Variants in KIAA1549 observed in about 807,000 individuals in gnomAD.
KIAA1549 encodes KIAA1549, also known as UPF0606 protein KIAA1549.
In KIAA1549, 70 loss-of-function variants were observed where a neutral mutation model predicts 156.4. That is an observed-to-expected ratio of 0.45 (90% confidence interval 0.37 to 0.55). The LOEUF is 0.55. Among genes scored for constraint, KIAA1549 ranks in the 20% least tolerant of loss-of-function variants. The pLI is 0.00. For synonymous variants in KIAA1549, 1,103 were observed against 1,066.4 expected (o/e 1.03, Z -0.67); for missense variants, 2,428 against 2,540.9 (o/e 0.96, Z 0.96).
At chr7:138,955,126 G>A (rs1295457228) in intron 1 of KIAA1549, among the ~76,000 whole-genome samples, 1 of 152,194 alleles carries the variant, frequency 6.6e-6, no homozygotes, top group South Asian at 2.1e-4. Context: ...GGAAACTGAG[G>A]TGAGTCAAAC....
chr7:138,963,022 C>T (rs192870695), intron 1 of KIAA1549, among the ~76,000 whole-genome samples: 8 of 152,308 alleles, frequency 5.3e-5, no homozygotes, highest in African/African-American at 1.9e-4. Context: ...CCCTTGTAGA[C>T]GGAGTTGCTA....
chr7:138,875,628 A>AAAAAAAT lies in KIAA1549; in HGVS notation c.4345+3903_4345+3909dup, dbSNP rs200888246. On this transcript the variant is annotated intron_variant, in intron 12 of 19. Coordinates refer to ENST00000422774, the MANE Select transcript of KIAA1549 (RefSeq NM_001164665.2). ...CCACTGCACTCGAGACTGGGTAAGC[A>AAAAAAAT]AAAAAATAAAAAATAAAAAATTACA... 4.1e-3 allele frequency among the ~76,000 whole-genome samples: 619 copies of AAAAAAAT among 152,298 alleles called. 5 individuals are homozygous for AAAAAAAT. Among genetic ancestry groups the AAAAAAAT allele is most frequent in the African/African-American group, 0.014 (600 of 41,552 alleles).
chr7:138,852,395 A>G, intron 16 of KIAA1549, 126 bp from the exon 17 acceptor site: 1 of 673,114 alleles, frequency 1.5e-6, no homozygotes. Flanking sequence ...ATTAAAACTT[A>G]GCATGTTACC....
At chr7:138,935,847 G>T (rs1422804538) in intron 1 of KIAA1549, among the ~76,000 whole-genome samples, 3 of 152,172 alleles carry the variant, frequency 2.0e-5, no homozygotes, top group Non-Finnish European at 4.4e-5. Context: ...GAGAGAGAGG[G>T]GTCACGCCGG....
At chr7:138,898,821 T>C in intron 9 of KIAA1549, 134 bp downstream of exon 9, 2 of 761,220 alleles carry the variant, frequency 2.6e-6, no homozygotes, top group Admixed American at 5.6e-5. Context: ...GTGAATGAAT[T>C]TTAACAACTG....
chr7:138,911,172 G>A lies in KIAA1549; in HGVS notation c.3119C>T (p.Pro1040Leu). The change falls in exon 4 of 20, where the codon CCA (proline) becomes CTA (leucine). Residue 1040 changes from proline (P) to leucine (L), a missense_variant. Pro to Leu is a moderately conservative substitution (Grantham distance 98). Transcript: ENST00000422774. ...TGTTTGAACTTGGAACCTGGACTCT[G>A]GCACAAGGAAAGAAGGTTTCACAGA... is the stretch of plus-strand genomic sequence containing the variant. Reference protein sequence around the residue: ...ILSVKPSFLVPESRFQVQTVL... With the variant: ...ILSVKPSFLVLESRFQVQTVL... 1 of 1,597,784 alleles carries A rather than the reference G, an allele frequency of 6.3e-7. No homozygotes were observed. Among genetic ancestry groups the A allele is most frequent in the Non-Finnish European group, 8.5e-7 (1 of 1,172,298 alleles).
intron 16 of KIAA1549, among the ~76,000 whole-genome samples, chr7:138,854,639 T>C (rs1195877723): frequency 6.6e-6 from 1 of 152,090 alleles, no homozygotes; most frequent in Non-Finnish European, 1.5e-5. Context: ...TACAAACATG[T>C]TGAAATTATA....
chr7:138,871,737 AT>A (rs1810944156), intron 12 of KIAA1549, among the ~76,000 whole-genome samples: 1 of 152,228 alleles, frequency 6.6e-6, no homozygotes, highest in African/African-American at 2.4e-5. Context: ...CAGAAAACAC[AT>A]TTATAGCGGC....
At chr7:138,978,239 A>G (rs1814437963) in intron 1 of KIAA1549, among the ~76,000 whole-genome samples, 2 of 152,180 alleles carry the variant, frequency 1.3e-5, no homozygotes, top group Non-Finnish European at 2.9e-5. Context: ...ACAGGCTGTG[A>G]GATTATGGGT....
At position 138,869,729 on chromosome 7, in the gene KIAA1549, G is replaced by T. The variant is rs751453388; in HGVS notation, c.4584C>A (p.Ile1528=). ...GGCGGATCTTGTTGCGATGGTGCTC[G>T]ATCTCAGACTTGTGCCGCAGCGCGG... is the stretch of plus-strand genomic sequence containing the variant. ...IQTALRHKSE[I]EHHRNKIRLR... Residue 1528 remains isoleucine (I), a synonymous_variant, in exon 14 of 20, where the codon ATC becomes ATA. Coordinates refer to ENST00000422774, the MANE Select transcript of KIAA1549 (RefSeq NM_001164665.2). 1 of 1,611,674 alleles carries T rather than the reference G, an allele frequency of 6.2e-7. No individual in the cohort carries two copies. The highest frequency in any genetic ancestry group is 8.5e-7 in the Non-Finnish European group (1 of 1,179,788).
At chr7:138,976,518 G>A (rs1260352251) in intron 1 of KIAA1549, among the ~76,000 whole-genome samples, 2 of 152,216 alleles carry the variant, frequency 1.3e-5, no homozygotes, top group Non-Finnish European at 2.9e-5. Context: ...TTGAGATACA[G>A]CATATTCACG....
At chr7:138,859,465 T>G (rs912214817) in intron 16 of KIAA1549, among the ~76,000 whole-genome samples, 13 of 152,186 alleles carry the variant, frequency 8.5e-5, no homozygotes, top group Non-Finnish European at 1.0e-4. Flanking sequence ...GTAGTTTCTG[T>G]GTACCCATAA....
Position 138,973,895 on chromosome 7 carries a change from T to G in KIAA1549, c.187+7188A>C, listed in dbSNP as rs116328170. ...CTGAGCTCAAGCAATCCTCCCGCCT[T>G]GGGCTTCCAAAGTGCTAGGAACACA... On this transcript the variant is annotated intron_variant, in intron 1 of 19. Transcript: ENST00000422774. 7.8e-3 allele frequency among the ~76,000 whole-genome samples: 1,186 copies of G among 152,296 alleles called. 16 individuals carry two copies. The highest frequency in any genetic ancestry group is 0.027 in the African/African-American group (1,118 of 41,558).
intron 19 of KIAA1549, among the ~76,000 whole-genome samples, chr7:138,838,553 C>T (rs905195957): frequency 1.3e-4 from 20 of 152,044 alleles, no homozygotes; most frequent in African/African-American, 4.6e-4. Context: ...CTCTGTAGAG[C>T]CTTGTCTTTA....
chr7:138,915,150 C>A (rs981748414), intron 2 of KIAA1549, among the ~76,000 whole-genome samples: 3 of 152,198 alleles, frequency 2.0e-5, no homozygotes, highest in Admixed American at 6.5e-5. Context: ...TCTCCTCCCC[C>A]AGAAGACACT....
chr7:138,974,924 C>A (rs543371470), intron 1 of KIAA1549, among the ~76,000 whole-genome samples: 1 of 151,924 alleles, frequency 6.6e-6, no homozygotes, highest in African/African-American at 2.4e-5. Flanking sequence ...GCTGACTTAG[C>A]CTTCAATGTT....
intron 18 of KIAA1549, among the ~76,000 whole-genome samples, chr7:138,841,238 A>G (rs781545953): frequency 6.6e-6 from 1 of 152,184 alleles, no homozygotes; most frequent in East Asian, 1.9e-4. Flanking sequence ...GTTATACAAT[A>G]TGCTTATTTT....
chr7:138,955,731 T>C (rs1223332364), intron 1 of KIAA1549, among the ~76,000 whole-genome samples: 1 of 152,346 alleles, frequency 6.6e-6, no homozygotes, highest in African/African-American at 2.4e-5. Flanking sequence ...ATAATAGTTA[T>C]TGTTAGGTGG....
intron 10 of KIAA1549, among the ~76,000 whole-genome samples, chr7:138,884,034 C>T (rs578168635): frequency 7.2e-5 from 11 of 152,298 alleles, no homozygotes; most frequent in African/African-American, 2.6e-4. Context: ...CCCCACCCCC[C>T]AACCTTCAGG....
Sources: allele counts gnomAD v4.1 joint callset (sites outside exome capture counted in the v4.1 genomes callset), GRCh38; gene constraint gnomAD v4.1.1; transcripts MANE v1.5; gene names NCBI Gene and HGNC (gene_info 2026-07-23, HGNC 2026-07-21).